FBN2: variants seen among roughly 807,000 people sequenced by gnomAD.
FBN2 encodes the protein fibrillin 2, also known as fibrillin-2.
Under a neutral mutation model 355.6 loss-of-function variants are expected in FBN2, and 105 were observed. The ratio of observed to expected loss-of-function variants is 0.30; its 90% CI spans 0.25 to 0.35. The LOEUF is 0.35. FBN2 is among the 10% of genes least tolerant of loss of function. FBN2 has a pLI of 1.00. For synonymous variants in FBN2, 1,350 were observed against 1,301.2 expected, an observed-to-expected ratio of 1.04 and a Z score of -0.81; for missense variants, 3,280 against 3,758.7, an observed-to-expected ratio of 0.87 and a Z score of 3.33.
chr5:128,324,388 T>C (rs986918098), intron 34 of FBN2, among the ~76,000 whole-genome samples: 1 of 152,206 alleles, frequency 6.6e-6, no homozygotes, highest in Non-Finnish European at 1.5e-5. Context: ...AGCGTGTTGA[T>C]TTTAGATCTT....
chr5:128,395,262 C>G lies in FBN2; in HGVS notation c.1091G>C (p.Gly364Ala), dbSNP rs762615993. The G allele has an allele frequency of 9.9e-6, 16 of 1,613,966 alleles. No individual in the cohort carries two copies. Among genetic ancestry groups the G allele is most frequent in the African/African-American group, 6.7e-5 (5 of 74,912 alleles). ...ATTCACCAGGCCCGAGAAACACATG[C>G]CTGTTCTCTGATCTGTGCATGTATA... ...DGSRCIDQRTGMCFSGLVNGR... is the reference protein window; with the variant it reads ...DGSRCIDQRTAMCFSGLVNGR... The change falls in exon 9 of 65, where the codon GGC becomes GCC. Residue 364 changes from glycine (G) to alanine (A), a missense_variant. Gly to Ala is a moderately conservative substitution (Grantham distance 60, BLOSUM62 0). Transcript: ENST00000262464.
rs567108694 is a variant in FBN2 at position 128,298,715 on chromosome 5, G to A, written c.6166+2102C>T. On this transcript the variant is annotated intron_variant, in intron 48 of 64. Coordinates refer to ENST00000262464, the MANE Select transcript of FBN2 (RefSeq NM_001999.4). ...GCTCCTTTAAGCACTTCTCTGTATTGGTTATTCTAGTTATACATTCATCTA... is the reference window on the plus strand; with the variant it reads ...GCTCCTTTAAGCACTTCTCTGTATTAGTTATTCTAGTTATACATTCATCTA... Among the ~76,000 whole-genome samples, 40 of 152,086 alleles carry A rather than the reference G, an allele frequency of 2.6e-4. No individual in the cohort carries two copies. In the East Asian group the frequency reaches 7.7e-3, roughly 29 times the overall value.
chr5:128,494,519 A>C (rs886692575), intron 5 of FBN2, among the ~76,000 whole-genome samples: 1 of 152,198 alleles, frequency 6.6e-6, no homozygotes, highest in Non-Finnish European at 1.5e-5. Context: ...ACTATGGAGC[A>C]ATTTATACCC....
chr5:128,515,697 C>T (rs1172666223), intron 5 of FBN2, among the ~76,000 whole-genome samples: 1 of 152,156 alleles, frequency 6.6e-6, no homozygotes, highest in Non-Finnish European at 1.5e-5. Context: ...TTGATCTCAC[C>T]TTTAATTCCA....
rs757329198 is a variant in FBN2, at chr5:128,364,654, G to A, written c.2374C>T (p.Arg792Cys). The A allele has an allele frequency of 5.0e-6, 8 of 1,612,846 alleles. No individual in the cohort carries two copies. Among genetic ancestry groups the A allele is most frequent in the East Asian group, 2.2e-5 (1 of 44,826 alleles). The change falls in exon 18 of 65, where the codon CGT becomes TGT. Residue 792 changes from arginine (R) to cysteine (C), a missense_variant. This residue lies in a region of FBN2 where 2,284 missense variants were observed against 2,749.5 expected (regional missense o/e 0.83). Transcript: ENST00000262464. Reference protein sequence around the residue: ...GICENLRGSYRCNCNSGYEPD... With the variant: ...GICENLRGSYCCNCNSGYEPD... ...TCATAGCCACTGTTGCAATTACAACGGTAACTACCACGTAAGTTTTCACAA... is the reference window on the plus strand; with the variant it reads ...TCATAGCCACTGTTGCAATTACAACAGTAACTACCACGTAAGTTTTCACAA...
chr5:128,310,386 ATATATATATATATATATTTTTTT>A (rs1485050811), intron 39 of FBN2, among the ~76,000 whole-genome samples: 33 of 31,446 alleles, frequency 1.0e-3, no homozygotes, highest in East Asian at 3.4e-3. Context: ...ATATATATAT[ATATATATATATATATATTTTTTT>A]TTTTTTTTTT....
chr5:128,330,422 T>G lies in FBN2; in HGVS notation c.4345+151A>C, dbSNP rs931782474. ...GTCATTCAGGTTTTTGTGTTTAATG[T>G]AAGAGAAAGATACATAGTCACCTGC... On this transcript the variant is annotated intron_variant, in intron 33 of 64. Transcript: ENST00000262464. The G allele has an allele frequency of 3.9e-6, 3 of 763,232 alleles. No individual in the cohort carries two copies. In the African/African-American group the frequency reaches 5.3e-5, roughly 13 times the overall value. 47.3% of individuals were successfully genotyped at this position (763,232 alleles called of 1,614,324 possible).
chr5:128,476,038 G>T (rs1187440566), intron 5 of FBN2, among the ~76,000 whole-genome samples: 1 of 152,180 alleles, frequency 6.6e-6, no homozygotes, highest in Non-Finnish European at 1.5e-5. Flanking sequence ...ATGTCTTGGG[G>T]TGACATTTTG....
intron 36 of FBN2, among the ~76,000 whole-genome samples, chr5:128,314,837 T>C (rs1291857541): frequency 1.3e-5 from 2 of 152,200 alleles, no homozygotes; most frequent in Non-Finnish European, 1.5e-5. Context: ...ATACATCTCA[T>C]TTCATTTTTA....
In FBN2 at chr5:128,369,322, C is replaced by T. The variant is rs567790419; in HGVS notation, c.2108G>A (p.Arg703His). The T allele has an allele frequency of 2.4e-5, 39 of 1,613,996 alleles. No homozygotes were observed. In the African/African-American group the frequency reaches 2.7e-4, roughly 11 times the overall value. Residue 703 changes from arginine to histidine, a missense_variant, in exon 16 of 65, where the codon CGC (arginine) becomes CAC (histidine). This residue lies in a region of FBN2 where 2,284 missense variants were observed against 2,749.5 expected (regional missense o/e 0.83). Transcript: ENST00000262464. The part of the protein sequence containing the change: ...DGRVCVDTHM[R>H]STCYGGIKKG... The stretch of plus-strand genomic sequence containing the variant: ...CTTGATTCCTCCATAGCAGGTACTG[C>T]GCATGTGAGTATCTAAAGGAGATAC...
intron 5 of FBN2, among the ~76,000 whole-genome samples, chr5:128,486,907 T>C (rs1212014508): frequency 6.6e-6 from 1 of 152,152 alleles, no homozygotes; most frequent in Non-Finnish European, 1.5e-5. Context: ...AGAATGATGG[T>C]TTCCAACTTC....
At chr5:128,428,497 C>T (rs1753538179) in intron 7 of FBN2, among the ~76,000 whole-genome samples, 1 of 152,146 alleles carries the variant, frequency 6.6e-6, no homozygotes, top group South Asian at 2.1e-4. Flanking sequence ...ACCTCAGGGG[C>T]ACTGCACTTG....
In FBN2 at chr5:128,489,849, A is replaced by G. The variant is rs533721608; in HGVS notation, c.629-24928T>C. ...TATTCACTTGTTATAATTTATAACC[A>G]GGAAGCCAATATTGTATAGACTACA... On this transcript the variant is annotated intron_variant, in intron 5 of 64. Coordinates refer to ENST00000262464, the MANE Select transcript of FBN2 (RefSeq NM_001999.4). Among the ~76,000 whole-genome samples, 297 of 152,328 alleles carry G rather than the reference A, an allele frequency of 1.9e-3. 1 individual carries two copies. Among genetic ancestry groups the G allele is most frequent in the African/African-American group, 7.0e-3 (290 of 41,584 alleles).
chr5:128,310,100 C>T lies in FBN2; in HGVS notation c.5083G>A (p.Glu1695Lys). 6.2e-7 allele frequency: 1 copy of T among 1,612,196 alleles called. No individual in the cohort carries two copies. Among genetic ancestry groups the T allele is most frequent in the Non-Finnish European group, 8.5e-7 (1 of 1,178,470 alleles). Residue 1695 changes from glutamate (E) to lysine (K), a missense_variant, in exon 40 of 65, where the codon GAG (glutamate) becomes AAG (lysine). By Grantham distance (56) the Glu-to-Lys change is moderately conservative. Around this residue, in one of 6 missense-constraint regions of FBN2, gnomAD observed 2,284 missense variants for 2,749.5 expected, o/e 0.83. Coordinates refer to ENST00000262464, the MANE Select transcript of FBN2 (RefSeq NM_001999.4). ...EDTRICEDIDECFAHPGVCGP... is the reference protein window; with the variant it reads ...EDTRICEDIDKCFAHPGVCGP... ...CACACACCAGGATGTGCAAAACACT[C>T]ATCAATATCTAGAGTAGGCAAGAAT... is the stretch of plus-strand genomic sequence containing the variant.
chr5:128,336,092 C>T lies in FBN2; in HGVS notation c.3620G>A (p.Ser1207Asn), dbSNP rs777828803. ...TTTTCCATTTCTGCAGAGATTGTCA[C>T]TCAGGGAGCATTCATTAATATCTAT... ...DCVDINECSLSDNLCRNGKCV... is the reference protein window; with the variant it reads ...DCVDINECSLNDNLCRNGKCV... Residue 1207 changes from serine to asparagine, a missense_variant, in exon 28 of 65, where the codon AGT becomes AAT. Transcript: ENST00000262464. 6.2e-7 allele frequency: 1 copy of T among 1,613,448 alleles called. No homozygotes were observed. Among genetic ancestry groups the T allele is most frequent in the South Asian group, 1.1e-5 (1 of 91,068 alleles).
chr5:128,471,170 A>G (rs535057138), intron 5 of FBN2, among the ~76,000 whole-genome samples: 1 of 152,222 alleles, frequency 6.6e-6, no homozygotes, highest in South Asian at 2.1e-4. Flanking sequence ...TGTGTAACTT[A>G]ATCTAAGGAT....
chr5:128,343,661 G>A (rs1751089944), intron 25 of FBN2, among the ~76,000 whole-genome samples: 1 of 152,196 alleles, frequency 6.6e-6, no homozygotes, highest in Non-Finnish European at 1.5e-5. Flanking sequence ...TATGGATGGT[G>A]ACTGAAAACT....
At chr5:128,500,482 A>T (rs1241402654) in intron 5 of FBN2, among the ~76,000 whole-genome samples, 1 of 107,928 alleles carries the variant, frequency 9.3e-6, no homozygotes, top group Non-Finnish European at 1.7e-5. Flanking sequence ...TCGCTCTTCC[A>T]CCCAGGCCGG....
intron 46 of FBN2, 48 bp downstream of exon 46, chr5:128,302,925 T>C: frequency 9.5e-7 from 1 of 1,047,696 alleles, no homozygotes; most frequent in Non-Finnish European, 1.5e-6. Context: ...TTCAGCACAT[T>C]GTGTGGAAAT....
Sources: gnomAD v4.1 joint callset for allele counts (sites outside exome capture counted in the v4.1 genomes callset) on GRCh38, gnomAD v4.1.1 for gene constraint, gnomAD v4.1.1 regional missense constraint, MANE v1.5 for transcripts, NCBI Gene and HGNC (gene_info 2026-07-23, HGNC 2026-07-21) for gene names.